PHKA2: variants seen among roughly 807,000 people sequenced by gnomAD.
PHKA2 encodes the protein phosphorylase kinase regulatory subunit alpha 2.
In PHKA2, 31 loss-of-function variants were observed where a neutral mutation model predicts 102.0. The ratio of observed to expected loss-of-function variants is 0.30; its 90% CI spans 0.23 to 0.41. PHKA2 has a LOEUF of 0.41. Among genes scored for constraint, PHKA2 ranks in the 10% least tolerant of loss-of-function variants. The pLI is 1.00. For synonymous variants in PHKA2, 455 were observed against 416.2 expected, an observed-to-expected ratio of 1.09 and a Z score of -1.13; for missense variants, 858 against 1,023.1, an observed-to-expected ratio of 0.84 and a Z score of 2.20.
intron 32 of PHKA2, among the ~76,000 whole-genome samples, 179 bp from the exon 33 acceptor site, chrX:18,893,834 G>A (rs747077187): frequency 8.9e-6 from 1 of 112,448 alleles, no homozygotes; most frequent in Non-Finnish European, 1.9e-5. Flanking sequence ...GCTGCCAGGG[G>A]GAATGCCCTA....
chrX:18,951,016 C>G lies in PHKA2; in HGVS notation c.454+88G>C, dbSNP rs1405535039. 1.7e-5 allele frequency: 16 copies of G among 924,617 alleles called. 1 individual carries two copies. In the African/African-American group the frequency reaches 2.7e-4, roughly 16 times the overall value. The allele number at this position is 924,617 out of a possible 1,213,427, so 76.2% of individuals were successfully genotyped here. Reference sequence around the variant, plus strand: ...TTAAAGCAGTGAAGCAGCACATGGCCTGACACACTGGCCGCTACCTGTCCT... The same window carrying G: ...TTAAAGCAGTGAAGCAGCACATGGCGTGACACACTGGCCGCTACCTGTCCT... On this transcript the variant is annotated intron_variant, in intron 4 of 32. Coordinates refer to ENST00000379942, the MANE Select transcript of PHKA2 (RefSeq NM_000292.3).
intron 30 of PHKA2, chrX:18,896,608 C>G (rs940235130): frequency 1.3e-5 from 2 of 151,636 alleles, no homozygotes; most frequent in African/African-American, 6.2e-5. Flanking sequence ...TCAGTCACAT[C>G]GCTGAACAGC....
chrX:18,950,823 C>T (rs908517450), intron 4 of PHKA2, among the ~76,000 whole-genome samples: 3 of 112,107 alleles, frequency 2.7e-5, no homozygotes, highest in South Asian at 7.3e-4. Flanking sequence ...GCTCTCTTGC[C>T]CTTCTGGTCT....
chrX:18,893,412 G>A lies in PHKA2; in HGVS notation c.*73C>T, dbSNP rs1381104090. The A allele has an allele frequency of 1.9e-6, 2 of 1,031,319 alleles. No individual in the cohort carries two copies. The highest frequency in any genetic ancestry group is 2.7e-6 in the Non-Finnish European group (2 of 734,182). The allele number at this position is 1,031,319 out of a possible 1,213,427, so 85.0% of individuals were successfully genotyped here. ...TCCTGATAGCACAGGGGATCTTGGGGGACAGAAGGTTCCCAGTAAGGCTAG... is the reference window on the plus strand; with the variant it reads ...TCCTGATAGCACAGGGGATCTTGGGAGACAGAAGGTTCCCAGTAAGGCTAG... On this transcript the variant is annotated 3_prime_UTR_variant, in exon 33 of 33. Transcript: ENST00000379942.
intron 12 of PHKA2, among the ~76,000 whole-genome samples, chrX:18,930,319 T>C (rs1475635752): frequency 9.0e-6 from 1 of 111,433 alleles, no homozygotes; most frequent in Non-Finnish European, 1.9e-5. Context: ...GAGTGGGGAC[T>C]TGGCCCCCAC....
intron 4 of PHKA2, among the ~76,000 whole-genome samples, 190 bp downstream of exon 4, chrX:18,950,914 C>T (rs981981347): frequency 6.2e-5 from 7 of 112,636 alleles, no homozygotes; most frequent in African/African-American, 2.3e-4. Flanking sequence ...GTGCCTTGGT[C>T]ATGGACTTCC....
intron 31 of PHKA2, chrX:18,894,914 G>C (rs984439696): frequency 4.7e-5 from 21 of 444,216 alleles, no homozygotes; most frequent in Non-Finnish European, 7.9e-5. Flanking sequence ...GAGCTTGCTA[G>C]CCCAGAAATG....
Position 18,951,052 on chromosome X carries a change from C to G in PHKA2, c.454+52G>C, listed in dbSNP as rs1331914002. 10 of 1,168,655 alleles carry G rather than the reference C, an allele frequency of 8.6e-6. 1 individual carries two copies. The African/African-American group carries it at 1.8e-4, about 21-fold the overall frequency. On this transcript the variant is annotated intron_variant, in intron 4 of 32. Transcript: ENST00000379942. The stretch of plus-strand genomic sequence containing the variant: ...GCCGCTACCTGTCCTCCTCCCACCC[C>G]TTTTCCGGATTGTCACTCCTTATAC...
At position 18,907,036 on chromosome X, in the gene PHKA2, C is replaced by T. The variant is rs773131991; in HGVS notation, c.2579G>A (p.Arg860Gln). 74 of 1,194,880 alleles carry T rather than the reference C, an allele frequency of 6.2e-5. No individual in the cohort carries two copies. Among genetic ancestry groups the T allele is most frequent in the Non-Finnish European group, 7.8e-5 (69 of 887,443 alleles). ...QLTVGLPPEP[R>Q]EKIISAPLPP... ...GACTTACGCAGAGATGATCTTCTCC[C>T]GGGGCTCGGGCGGCAGGCCCACGGT... Residue 860 changes from arginine to glutamine, a missense_variant, in exon 23 of 33, where the codon CGG (arginine) becomes CAG (glutamine). Transcript: ENST00000379942.
intron 7 of PHKA2, among the ~76,000 whole-genome samples, chrX:18,942,789 A>G (rs1351836710): frequency 1.8e-5 from 2 of 108,446 alleles, no homozygotes; most frequent in African/African-American, 6.8e-5. Flanking sequence ...TTGAGGTTAC[A>G]GGGAGCTATG....
At chrX:18,923,663 G>C (rs987894298) in intron 17 of PHKA2, among the ~76,000 whole-genome samples, 1 of 112,398 alleles carries the variant, frequency 8.9e-6, no homozygotes. Flanking sequence ...TAAGGTGATA[G>C]CATATTCAAG....
At position 18,932,121 on chromosome X, in the gene PHKA2, C is replaced by T. The variant is rs745909419; in HGVS notation, c.1138-373G>A. Among the ~76,000 whole-genome samples the T allele has an allele frequency of 1.2e-3, 139 of 112,206 alleles. 3 individuals are homozygous for T. The highest frequency in any genetic ancestry group is 4.3e-3 in the African/African-American group (132 of 30,941). On this transcript the variant is annotated intron_variant, in intron 11 of 32. Transcript: ENST00000379942. ...GGAAAACATCAGCCTCCAGCTGTGG[C>T]GGTGCATCGCTGGAGCCATCCCTAG...
At chrX:18,956,263 G>T (rs1023393955) in intron 1 of PHKA2, among the ~76,000 whole-genome samples, 2 of 111,982 alleles carry the variant, frequency 1.8e-5, no homozygotes, top group African/African-American at 6.5e-5. Context: ...GGCAGAGATT[G>T]CAGTGAGCCA....
At chrX:18,976,315 C>CTAT (rs2049090163) in intron 1 of PHKA2, among the ~76,000 whole-genome samples, 1 of 112,034 alleles carries the variant, frequency 8.9e-6, no homozygotes, top group African/African-American at 3.2e-5. Flanking sequence ...AAATCAATCT[C>CTAT]TAAATGTTCC....
intron 1 of PHKA2, among the ~76,000 whole-genome samples, chrX:18,956,903 TTTTC>T (rs1259697357): frequency 8.4e-4 from 94 of 112,392 alleles, no homozygotes; most frequent in African/African-American, 2.9e-3. Context: ...GCTGTCCTTT[TTTTC>T]TTTCTTTTTT....
At position 18,918,286 on chromosome X, in the gene PHKA2, A is replaced by G. The variant is rs774664007; in HGVS notation, c.2137+395T>C. Reference sequence around the variant, plus strand: ...AATGGGAATATAAACAGAGTATACTATAATGCTCAGTTGGAAATATTTGTG... The same window carrying G: ...AATGGGAATATAAACAGAGTATACTGTAATGCTCAGTTGGAAATATTTGTG... On this transcript the variant is annotated intron_variant, in intron 19 of 32. Transcript: ENST00000379942. Among the ~76,000 whole-genome samples the G allele has an allele frequency of 7.1e-5, 8 of 112,750 alleles. No homozygotes were observed. The South Asian group carries it at 2.9e-3, about 41-fold the overall frequency.
chrX:18,954,651 T>C (rs2048748583), intron 1 of PHKA2, among the ~76,000 whole-genome samples: 1 of 112,699 alleles, frequency 8.9e-6, no homozygotes, highest in South Asian at 3.6e-4. Context: ...TCAGAAACAT[T>C]CCAGCTCTTA....
chrX:18,938,698 T>C lies in PHKA2; in HGVS notation c.970A>G (p.Ile324Val). Residue 324 changes from isoleucine (I) to valine (V), a missense_variant, in exon 10 of 33, where the codon ATT becomes GTT. By Grantham distance (29) the Ile-to-Val change is conservative. Around this residue, in one of 2 missense-constraint regions of PHKA2, gnomAD observed 187 missense variants for 277.9 expected, o/e 0.67. Transcript: ENST00000379942. ...CAAAACACAGGCCACTCACATTCAA[T>C]GTTTTCGAAGAGCTTGAGTTCAGCA... is the stretch of plus-strand genomic sequence containing the variant. ...DPAELKLFEN[I>V]ECEWPVFWTY... 1 of 1,203,362 alleles carries C rather than the reference T, an allele frequency of 8.3e-7. No homozygotes were observed. The highest frequency in any genetic ancestry group is 1.1e-6 in the Non-Finnish European group (1 of 887,579).
intron 30 of PHKA2, chrX:18,895,436 TA>T: frequency 2.4e-6 from 1 of 414,653 alleles, no homozygotes; most frequent in Admixed American, 3.7e-5. Flanking sequence ...AACAATGCCC[TA>T]GGGGGCTGCC....
Sources: allele counts gnomAD v4.1 joint callset (sites outside exome capture counted in the v4.1 genomes callset), GRCh38; gene constraint gnomAD v4.1.1; regional missense constraint gnomAD v4.1.1; transcripts MANE v1.5; gene names NCBI Gene and HGNC (gene_info 2026-07-23, HGNC 2026-07-21).